CUX1: variants seen among roughly 807,000 people sequenced by gnomAD.
CUX1 encodes the protein cut like homeobox 1.
A neutral mutation model predicts 158.8 loss-of-function variants in CUX1; 31 were observed. The ratio of observed to expected loss-of-function variants is 0.20; its 90% CI spans 0.15 to 0.26. The LOEUF (loss-of-function observed/expected upper bound fraction) is 0.26. Ranked by LOEUF, CUX1 falls within the 10% of genes least tolerant of loss-of-function variation. The pLI is 1.00. For missense variants in CUX1, 1,589 were observed against 2,014.6 expected, an observed-to-expected ratio of 0.79 and a Z score of 4.04; for synonymous variants, 879 against 862.1, an observed-to-expected ratio of 1.02 and a Z score of -0.34.
At chr7:102,195,667 G>C in intron 14 of CUX1, 64 bp downstream of exon 14, 2 of 1,429,976 alleles carry the variant, frequency 1.4e-6, no homozygotes, top group Non-Finnish European at 1.9e-6. Flanking sequence ...GGTCGAGGAC[G>C]AGGAAGGTGA....
At chr7:102,136,966 C>A (rs1554498932) in intron 8 of CUX1, among the ~76,000 whole-genome samples, 1 of 152,090 alleles carries the variant, frequency 6.6e-6, no homozygotes, top group Non-Finnish European at 1.5e-5. Flanking sequence ...AAACATAGGG[C>A]TTTGCTGAAC....
chr7:102,277,553 T>C (rs528207303), intron 17 of CUX1, among the ~76,000 whole-genome samples: 3 of 151,804 alleles, frequency 2.0e-5, no homozygotes, highest in African/African-American at 7.2e-5. Context: ...CCGAGATTGA[T>C]TGCGTCGTTG....
chr7:102,233,464 C>T (rs911581224), intron 21 of CUX1, among the ~76,000 whole-genome samples: 8 of 152,134 alleles, frequency 5.3e-5, no homozygotes, highest in East Asian at 1.9e-4. Context: ...AGGGCCCTTC[C>T]GGCCACCGCA....
chr7:102,154,629 T>G (rs1836061890), intron 8 of CUX1, among the ~76,000 whole-genome samples: 2 of 148,030 alleles, frequency 1.4e-5, no homozygotes, highest in Non-Finnish European at 3.0e-5. Flanking sequence ...AATAAATAAA[T>G]AAATAGCTAA....
intron 8 of CUX1, among the ~76,000 whole-genome samples, chr7:102,121,841 C>T (rs1466466891): frequency 2.6e-5 from 4 of 152,076 alleles, no homozygotes; most frequent in Non-Finnish European, 5.9e-5. Flanking sequence ...CTTGAGACCA[C>T]GGCGGTCTTC....
chr7:102,255,001 C>G lies in CUX1; in HGVS notation c.*5959C>G, dbSNP rs1408962644. ...GGGCTGAAAGTTAAGTCCACCAACCCTTGGGCTTAATCAGGACGGAAGAGG... is the reference window on the plus strand; with the variant it reads ...GGGCTGAAAGTTAAGTCCACCAACCGTTGGGCTTAATCAGGACGGAAGAGG... On this transcript the variant is annotated 3_prime_UTR_variant, in exon 24 of 24. Coordinates refer to ENST00000292535, the MANE Select transcript of CUX1 (RefSeq NM_181552.4). 1.0e-6 allele frequency: 1 copy of G among 985,334 alleles called. No homozygotes were observed. Among genetic ancestry groups the G allele is most frequent in the African/African-American group, 1.7e-5 (1 of 57,220 alleles). 61.0% of individuals were successfully genotyped at this position (985,334 alleles called of 1,614,324 possible). A position where few individuals can be genotyped will look rare whatever the true frequency, so the allele number is the denominator to read the frequency against.
At chr7:102,172,899 A>G (rs1791888439) in intron 10 of CUX1, among the ~76,000 whole-genome samples, 1 of 152,076 alleles carries the variant, frequency 6.6e-6, no homozygotes, top group Admixed American at 6.6e-5. Flanking sequence ...CCATCTCTAC[A>G]AAAATTTTAA....
At chr7:102,183,265 C>T (rs116903233) in intron 11 of CUX1, among the ~76,000 whole-genome samples, 5,623 of 152,112 alleles carry the variant, frequency 0.037, 129 homozygotes, top group Middle Eastern at 0.075. Flanking sequence ...CTGCCCGCCT[C>T]AGCCTCCCAG....
At chr7:102,112,272 C>T (rs1320752580) in intron 7 of CUX1, among the ~76,000 whole-genome samples, 2 of 139,622 alleles carry the variant, frequency 1.4e-5, no homozygotes, top group African/African-American at 5.5e-5. Context: ...GACGGAGTCT[C>T]GCTCTGTCAC....
chr7:102,183,567 T>G (rs1793342416), intron 11 of CUX1, among the ~76,000 whole-genome samples: 1 of 152,134 alleles, frequency 6.6e-6, no homozygotes, highest in Non-Finnish European at 1.5e-5. Flanking sequence ...TGTCCTTATC[T>G]ATGGAGAGTC....
rs1554520536 is a variant in CUX1 at position 102,204,462 on chromosome 7, G to C, written c.2979G>C (p.Gln993His). 1 of 1,613,702 alleles carries C rather than the reference G, an allele frequency of 6.2e-7. No individual in the cohort carries two copies. Among genetic ancestry groups the C allele is most frequent in the African/African-American group, 1.3e-5 (1 of 74,948 alleles). The change falls in exon 19 of 24, where the codon CAG becomes CAC. Residue 993 changes from glutamine to histidine, a missense_variant. By Grantham distance (24) the Gln-to-His change is conservative (BLOSUM62 0). This residue lies in a region of CUX1 where 29 missense variants were observed against 66.6 expected (regional missense o/e 0.44). Transcript: ENST00000292535. ...SRPKPWSKLT[Q>H]KGREPFIRMQ... ...CGAAGCCATGGAGCAAGCTGACGCA[G>C]AAAGGCCGAGAACCCTTCATCCGGA...
Position 102,250,618 on chromosome 7 carries a change from T to G in CUX1, c.*1576T>G, listed in dbSNP as rs1357708375. The G allele has an allele frequency of 8.1e-6, 8 of 985,342 alleles. No homozygotes were observed. Among genetic ancestry groups the G allele is most frequent in the East Asian group, 1.1e-4 (1 of 8,834 alleles). 61.0% of individuals were successfully genotyped at this position (985,342 alleles called of 1,614,324 possible). On this transcript the variant is annotated 3_prime_UTR_variant, in exon 24 of 24. Transcript: ENST00000292535. The stretch of plus-strand genomic sequence containing the variant: ...CAAACTCACACCAAAACGTGGATGC[T>G]CTTCAACTTCCAAACCTACCATTTG...
At chr7:102,266,932 G>A (rs148313489) in intron 14 of CUX1, among the ~76,000 whole-genome samples, 99 of 152,290 alleles carry the variant, frequency 6.5e-4, no homozygotes, top group Admixed American at 5.8e-3. Flanking sequence ...GGGAAGGGGC[G>A]TGTGTGCATG....
chr7:102,202,172 A>T lies in CUX1; in HGVS notation c.2875A>T (p.Asn959Tyr), dbSNP rs1255504148. ...TRQVKEKLAK[N>Y]GICQRIFGEK... ...GCAGGTTAAGGAAAAGCTGGCCAAG[A>T]ACGGCATCTGCCAGAGAATCTTCGG... is the stretch of plus-strand genomic sequence containing the variant. Residue 959 changes from asparagine to tyrosine, a missense_variant, in exon 18 of 24, where the codon AAC (asparagine) becomes TAC (tyrosine). Coordinates refer to ENST00000292535, the MANE Select transcript of CUX1 (RefSeq NM_181552.4). 6.2e-7 allele frequency: 1 copy of T among 1,610,790 alleles called. No homozygotes were observed. The highest frequency in any genetic ancestry group is 1.3e-5 in the African/African-American group (1 of 74,842).
Position 102,254,201 on chromosome 7 carries a change from C to T in CUX1, c.*5159C>T, listed in dbSNP as rs1417446311. On this transcript the variant is annotated 3_prime_UTR_variant, in exon 24 of 24. Coordinates refer to ENST00000292535, the MANE Select transcript of CUX1 (RefSeq NM_181552.4). ...TTGCAGGCAGGGCGTGGTCTCGGGG[C>T]TCCGAGGGTCTTGTCTTTGGTCCGC... is the stretch of plus-strand genomic sequence containing the variant. 3 of 985,442 alleles carry T rather than the reference C, an allele frequency of 3.0e-6. No individual in the cohort carries two copies. The African/African-American group carries it at 5.2e-5, about 17-fold the overall frequency. The allele number at this position is 985,442 out of a possible 1,614,324, so 61.0% of individuals were successfully genotyped here.
intron 3 of CUX1, among the ~76,000 whole-genome samples, chr7:102,048,468 C>T (rs960844568): frequency 2.0e-5 from 3 of 151,988 alleles, no homozygotes; most frequent in African/African-American, 7.2e-5. Context: ...TGTTTGAACT[C>T]GGTCTAATAT....
At position 102,249,024 on chromosome 7, in the gene CUX1, T is replaced by G. The variant is rs1801169790; in HGVS notation, c.4500T>G (p.Pro1500=). Residue 1500 remains proline, a synonymous_variant, in exon 24 of 24, where the codon CCT becomes CCG. Coordinates refer to ENST00000292535, the MANE Select transcript of CUX1 (RefSeq NM_181552.4). ...RLEKAASREE[P]IEWEF is the part of the protein sequence containing the mutation. ...AGAAGGCCGCCAGCCGGGAGGAACC[T>G]ATCGAATGGGAGTTCTGAGGGGCCG... The G allele has an allele frequency of 2.2e-6, 3 of 1,373,530 alleles. No individual in the cohort carries two copies. The African/African-American group carries it at 4.6e-5, about 21-fold the overall frequency. The allele number at this position is 1,373,530 out of a possible 1,614,324, so 85.1% of individuals were successfully genotyped here.
At chr7:101,947,084 C>T (rs1808471008) in intron 2 of CUX1, among the ~76,000 whole-genome samples, 1 of 152,172 alleles carries the variant, frequency 6.6e-6, no homozygotes, top group African/African-American at 2.4e-5. Flanking sequence ...AGATTTAAAA[C>T]TTGAGTAACT....
At position 102,104,453 on chromosome 7, in the gene CUX1, A is replaced by G; in HGVS notation, c.524A>G (p.Lys175Arg). ...EQKLQNDFAE[K>R]ERKLQETQMS... ...AAGTTACAGAATGACTTTGCAGAAAAGGAGAGGTGAGCATGACTTCCAGGC... is the reference window on the plus strand; with the variant it reads ...AAGTTACAGAATGACTTTGCAGAAAGGGAGAGGTGAGCATGACTTCCAGGC... The change falls in exon 6 of 24, where the codon AAG becomes AGG. Residue 175 changes from lysine (K) to arginine (R), a missense_variant. By Grantham distance (26) the Lys-to-Arg change is conservative. Coordinates refer to ENST00000292535, the MANE Select transcript of CUX1 (RefSeq NM_181552.4). 5 of 1,613,090 alleles carry G rather than the reference A, an allele frequency of 3.1e-6. No individual in the cohort carries two copies. The highest frequency in any genetic ancestry group is 3.4e-6 in the Non-Finnish European group (4 of 1,179,674).
Sources: gnomAD v4.1 joint callset for allele counts (sites outside exome capture counted in the v4.1 genomes callset) on GRCh38, gnomAD v4.1.1 for gene constraint, gnomAD v4.1.1 regional missense constraint, MANE v1.5 for transcripts, NCBI Gene and HGNC (gene_info 2026-07-23, HGNC 2026-07-21) for gene names.